The following TAFA1 variants were observed in gnomAD, a reference collection of about 807,000 sequenced individuals.
TAFA1 encodes TAFA chemokine like family member 1, also known as chemokine-like protein TAFA-1.
In TAFA1, 4 loss-of-function variants were observed where a neutral mutation model predicts 18.5. That is an observed-to-expected ratio of 0.22 (90% confidence interval 0.11 to 0.49). The LOEUF (loss-of-function observed/expected upper bound fraction) is 0.49, where lower values mean the gene tolerates loss of function less well. Ranked by LOEUF, TAFA1 falls within the 20% of genes least tolerant of loss-of-function variation. The pLI is 0.98. For missense variants in TAFA1, 147 were observed against 169.0 expected (o/e 0.87, Z 0.72); for synonymous variants, 56 against 55.2 (o/e 1.01, Z -0.06).
intron 2 of TAFA1, among the ~76,000 whole-genome samples, chr3:68,246,353 G>T (rs1304574877): frequency 6.6e-6 from 1 of 152,048 alleles, no homozygotes; most frequent in African/African-American, 2.4e-5. Context: ...CACTTTGGGA[G>T]GCCGAGGCGG....
At chr3:68,369,602 T>C (rs2069640748) in intron 2 of TAFA1, among the ~76,000 whole-genome samples, 1 of 152,236 alleles carries the variant, frequency 6.6e-6, no homozygotes, top group Admixed American at 6.5e-5. Flanking sequence ...ATGTAGTTTC[T>C]GAATCGTTGT....
intron 2 of TAFA1, among the ~76,000 whole-genome samples, chr3:68,153,388 GGA>G (rs774798249): frequency 6.6e-6 from 1 of 152,110 alleles, no homozygotes; most frequent in East Asian, 1.9e-4. Flanking sequence ...GCTGCAGTTT[GGA>G]GAGAGCTCTG....
chr3:68,075,538 T>A (rs2064812356), intron 2 of TAFA1, among the ~76,000 whole-genome samples: 1 of 152,178 alleles, frequency 6.6e-6, no homozygotes, highest in South Asian at 2.1e-4. Flanking sequence ...TGCCACCTTA[T>A]TACATACTGT....
intron 3 of TAFA1, among the ~76,000 whole-genome samples, chr3:68,496,064 T>G (rs972681841): frequency 6.7e-6 from 1 of 149,358 alleles, no homozygotes; most frequent in African/African-American, 2.5e-5. Context: ...AATATCACTG[T>G]GTCTGTGGTT....
chr3:68,008,884 T>C (rs1459921671), intron 2 of TAFA1, among the ~76,000 whole-genome samples: 1 of 152,108 alleles, frequency 6.6e-6, no homozygotes, highest in East Asian at 1.9e-4. Context: ...GGCAACTGAC[T>C]TTTCTGCTCT....
At chr3:68,229,624 C>T (rs1014032450) in intron 2 of TAFA1, among the ~76,000 whole-genome samples, 3 of 152,044 alleles carry the variant, frequency 2.0e-5, no homozygotes, top group Non-Finnish European at 2.9e-5. Context: ...ACATAGTTGA[C>T]GTTTTCTTCA....
At chr3:68,473,156 G>C (rs2072032746) in intron 3 of TAFA1, among the ~76,000 whole-genome samples, 1 of 152,176 alleles carries the variant, frequency 6.6e-6, no homozygotes, top group South Asian at 2.1e-4. Context: ...ATCTTCGGTA[G>C]CTCAGGGAAA....
chr3:68,173,235 G>A (rs950372972), intron 2 of TAFA1, among the ~76,000 whole-genome samples: 2 of 151,658 alleles, frequency 1.3e-5, no homozygotes, highest in African/African-American at 4.9e-5. Flanking sequence ...ACCTTAGCGG[G>A]TTTACTTGAA....
chr3:67,994,759 T>C, the TAFA1 span, among the ~76,000 whole-genome samples: 1 of 152,220 alleles, frequency 6.6e-6, no homozygotes. Flanking sequence ...TTTGAGGCTG[T>C]CTTAGACAAG....
At chr3:68,133,103 A>G (rs1340102883) in intron 2 of TAFA1, among the ~76,000 whole-genome samples, 1 of 152,140 alleles carries the variant, frequency 6.6e-6, no homozygotes, top group Non-Finnish European at 1.5e-5. Flanking sequence ...CACTTTTCCC[A>G]ACACCATTTA....
At chr3:68,476,740 T>C (rs1315748411) in intron 3 of TAFA1, among the ~76,000 whole-genome samples, 1 of 152,130 alleles carries the variant, frequency 6.6e-6, no homozygotes, top group Non-Finnish European at 1.5e-5. Context: ...GTTACCAGGA[T>C]CCAAGATTAT....
intron 2 of TAFA1, among the ~76,000 whole-genome samples, chr3:68,273,136 A>G (rs2067710559): frequency 6.6e-6 from 1 of 152,172 alleles, no homozygotes. Flanking sequence ...TGCCAGCCTC[A>G]TTTTCATATA....
intron 2 of TAFA1, among the ~76,000 whole-genome samples, chr3:68,114,259 T>C (rs755455098): frequency 1.1e-4 from 16 of 152,192 alleles, no homozygotes; most frequent in Non-Finnish European, 2.2e-4. Context: ...GAGGCCGTCC[T>C]AGACCATCCA....
chr3:68,061,963 CG>C (rs2064607370), intron 2 of TAFA1, among the ~76,000 whole-genome samples: 1 of 151,846 alleles, frequency 6.6e-6, no homozygotes, highest in African/African-American at 2.4e-5. Flanking sequence ...ATACCTCAAA[CG>C]ATATGGTTTT....
At chr3:68,310,932 G>T (rs966043518) in intron 2 of TAFA1, among the ~76,000 whole-genome samples, 16 of 152,176 alleles carry the variant, frequency 1.1e-4, no homozygotes, top group African/African-American at 3.4e-4. Context: ...TTTTCATGCT[G>T]CTGATAAAGA....
chr3:68,417,283 G>A lies in TAFA1; in HGVS notation c.122G>A (p.Gly41Glu). 6.2e-7 allele frequency: 1 copy of A among 1,612,698 alleles called. No homozygotes were observed. Among genetic ancestry groups the A allele is most frequent in the Non-Finnish European group, 8.5e-7 (1 of 1,179,256 alleles). ...FQQHHLHRPE[G>E]GTCEVIAAHR... Reference sequence around the variant, plus strand: ...CCTGTTCTTTCTCTCTTGCCAGAAGGAGGGACGTGTGAAGTGATAGCAGCA... The same window carrying A: ...CCTGTTCTTTCTCTCTTGCCAGAAGAAGGGACGTGTGAAGTGATAGCAGCA... The change falls in exon 3 of 5, where the codon GGA becomes GAA. Residue 41 changes from glycine to glutamate, a missense_variant. Physicochemically the swap from Gly to Glu is moderately conservative, Grantham distance 98 (BLOSUM62 -2). Transcript: ENST00000478136.
In TAFA1 at chr3:68,507,461, A is replaced by C. The variant is rs566305059; in HGVS notation, c.260-31295A>C. Among the ~76,000 whole-genome samples, 7 of 152,194 alleles carry C rather than the reference A, an allele frequency of 4.6e-5. No homozygotes were observed. The South Asian group carries it at 1.5e-3, about 32-fold the overall frequency. On this transcript the variant is annotated intron_variant, in intron 3 of 4. Coordinates refer to ENST00000478136, the MANE Select transcript of TAFA1 (RefSeq NM_213609.4). ...GATTACCAGGTTGTCAGATCAGGGC[A>C]AAAACAGTTGATTAAAACTAGCGTC...
In TAFA1 at chr3:68,215,412, GT is replaced by G. The variant is rs559805758; in HGVS notation, c.119-201866del. On this transcript the variant is annotated intron_variant, in intron 2 of 4. Coordinates refer to ENST00000478136, the MANE Select transcript of TAFA1 (RefSeq NM_213609.4). ...GTATATAATTTCTGAAAAATGGAAGGTTAGAGAAAATCTAGGTAATCTTGCT... is the reference window on the plus strand; with the variant it reads ...GTATATAATTTCTGAAAAATGGAAGGTAGAGAAAATCTAGGTAATCTTGCT... 5.9e-5 allele frequency among the ~76,000 whole-genome samples: 9 copies of G among 152,146 alleles called. No homozygotes were observed. The East Asian group carries it at 1.6e-3, about 26-fold the overall frequency.
chr3:68,123,725 C>T (rs1394038078), intron 2 of TAFA1, among the ~76,000 whole-genome samples: 6 of 151,936 alleles, frequency 3.9e-5, no homozygotes, highest in African/African-American at 7.3e-5. Context: ...TCTAAATCCA[C>T]GTGATTGTTC....
Sources: gnomAD v4.1 joint callset for allele counts (sites outside exome capture counted in the v4.1 genomes callset) on GRCh38, gnomAD v4.1.1 for gene constraint, MANE v1.5 for transcripts, NCBI Gene and HGNC (gene_info 2026-07-23, HGNC 2026-07-21) for gene names.